CACNG3: variants seen among roughly 807,000 people sequenced by gnomAD.
CACNG3 encodes the protein calcium voltage-gated channel auxiliary subunit gamma 3, also known as voltage-dependent calcium channel gamma-3 subunit.
In CACNG3, 3 loss-of-function variants were observed where a neutral mutation model predicts 28.5. That is an observed-to-expected ratio of 0.11 (90% CI 0.05 to 0.27). The LOEUF is 0.27. Ranked by LOEUF, CACNG3 falls within the 10% of genes least tolerant of loss-of-function variation. The probability of loss-of-function intolerance (pLI) is 1.00; values close to 1 mark genes in which losing one functional copy is unlikely to be tolerated. For missense variants in CACNG3, 236 were observed against 414.4 expected, an observed-to-expected ratio of 0.57 and a Z score of 3.74; for synonymous variants, 174 against 162.2, an observed-to-expected ratio of 1.07 and a Z score of -0.55.
chr16:24,298,211 G>A (rs749066434), intron 1 of CACNG3, among the ~76,000 whole-genome samples: 1 of 152,072 alleles, frequency 6.6e-6, no homozygotes, highest in African/African-American at 2.4e-5. Context: ...CCAAAATGGG[G>A]TGATATTCTA....
intron 1 of CACNG3, among the ~76,000 whole-genome samples, chr16:24,318,774 T>C (rs4787985): frequency 0.65 from 98,323 of 151,920 alleles, 32,074 homozygotes; most frequent in Middle Eastern, 0.72. Context: ...TGCTGTTCCT[T>C]GAAGCATGGA....
At chr16:24,306,595 A>G in intron 1 of CACNG3, among the ~76,000 whole-genome samples, 1 of 152,170 alleles carries the variant, frequency 6.6e-6, no homozygotes, top group East Asian at 1.9e-4. Context: ...CAATTAAAAG[A>G]AGCCTTCATG....
rs1157043782 is a variant in CACNG3, at chr16:24,361,094, C to T, written c.437-258C>T. 3.3e-5 allele frequency among the ~76,000 whole-genome samples: 5 copies of T among 152,168 alleles called. No homozygotes were observed. The highest frequency in any genetic ancestry group is 7.3e-5 in the Non-Finnish European group (5 of 68,046). On this transcript the variant is annotated intron_variant, in intron 3 of 3. Transcript: ENST00000005284. This position sits in a 1 kb window ranked among gnomAD's most constrained non-coding sequence, Gnocchi z 6.8. ...CTTCTAAGGGAAAAATAAGTGCATT[C>T]TGAGTTCTTCCGTACTTGCTGTAGG...
At chr16:24,290,243 C>T (rs1898949341) in intron 1 of CACNG3, among the ~76,000 whole-genome samples, 1 of 151,936 alleles carries the variant, frequency 6.6e-6, no homozygotes, top group Admixed American at 6.6e-5. Flanking sequence ...TCTAGTTATA[C>T]AAAATAAGAC....
intron 2 of CACNG3, 133 bp from the exon 3 acceptor site, chr16:24,354,700 C>T: frequency 1.2e-6 from 1 of 865,258 alleles, no homozygotes; most frequent in Non-Finnish European, 1.8e-6. Flanking sequence ...AGCGCCTGGT[C>T]TCATGCCCGT....
intron 1 of CACNG3, among the ~76,000 whole-genome samples, chr16:24,289,581 C>T (rs1898939332): frequency 6.6e-6 from 1 of 152,186 alleles, no homozygotes; most frequent in Non-Finnish European, 1.5e-5. Flanking sequence ...CACCCACTTG[C>T]AGGGAGCCCT....
chr16:24,299,516 A>G (rs908566481), intron 1 of CACNG3, among the ~76,000 whole-genome samples: 4 of 152,188 alleles, frequency 2.6e-5, no homozygotes, highest in Non-Finnish European at 5.9e-5. Context: ...TGGTATTAGA[A>G]ACCAAGATCT....
At chr16:24,318,049 T>C (rs60966172) in intron 1 of CACNG3, among the ~76,000 whole-genome samples, 13,594 of 152,262 alleles carry the variant, frequency 0.089, 789 homozygotes, top group Admixed American at 0.19. Context: ...TGACAGGCTA[T>C]CCTGCCTCCT....
chr16:24,356,574 T>G (rs1190424854), intron 3 of CACNG3, among the ~76,000 whole-genome samples: 2 of 152,072 alleles, frequency 1.3e-5, no homozygotes, highest in Non-Finnish European at 2.9e-5. Flanking sequence ...TGGTGGTGGG[T>G]GCCTATAGTT....
intron 1 of CACNG3, among the ~76,000 whole-genome samples, chr16:24,287,538 A>T (rs1410238077): frequency 6.6e-6 from 1 of 151,048 alleles, no homozygotes; most frequent in African/African-American, 2.4e-5. Flanking sequence ...AAAAAAAGGA[A>T]GAAAAAGAAA....
At position 24,306,775 on chromosome 16, in the gene CACNG3, C is replaced by T. The variant is rs143735983; in HGVS notation, c.212-39959C>T. Reference sequence around the variant, plus strand: ...ACTTACAGCCCTTCATTCAGCCCACCCACTCCAGCCCATGAAGCCCCTCCT... The same window carrying T: ...ACTTACAGCCCTTCATTCAGCCCACTCACTCCAGCCCATGAAGCCCCTCCT... On this transcript the variant is annotated intron_variant, in intron 1 of 3. Coordinates refer to ENST00000005284, the MANE Select transcript of CACNG3 (RefSeq NM_006539.4). Among the ~76,000 whole-genome samples the T allele has an allele frequency of 1.6e-3, 239 of 152,244 alleles. 2 individuals carry two copies. The highest frequency in any genetic ancestry group is 0.011 in the South Asian group (52 of 4,824).
intron 1 of CACNG3, among the ~76,000 whole-genome samples, chr16:24,302,635 TTTTTG>T (rs60301738): frequency 0.32 from 48,227 of 148,524 alleles, 8,253 homozygotes; most frequent in African/African-American, 0.4. Context: ...TTTTTGTTTG[TTTTTG>T]TTTTGTTTTG....
intron 1 of CACNG3, among the ~76,000 whole-genome samples, chr16:24,286,959 C>A (rs907988611): frequency 6.6e-6 from 1 of 152,160 alleles, no homozygotes; most frequent in Non-Finnish European, 1.5e-5. Flanking sequence ...AGGTCCTTGC[C>A]GCCAGGCTGA....
At chr16:24,351,831 C>CTCTT (rs1429764125) in intron 2 of CACNG3, among the ~76,000 whole-genome samples, 2 of 85,062 alleles carry the variant, frequency 2.4e-5, no homozygotes, top group African/African-American at 9.7e-5. Context: ...CTCTCTCTCT[C>CTCTT]TTTTTTTTTT....
chr16:24,357,661 A>G (rs1416303459), intron 3 of CACNG3, among the ~76,000 whole-genome samples: 1 of 152,150 alleles, frequency 6.6e-6, no homozygotes, highest in Non-Finnish European at 1.5e-5. Context: ...GGTGGCCTCT[A>G]CCTTGCTCTG....
At chr16:24,259,628 C>G (rs189730045) in intron 1 of CACNG3, among the ~76,000 whole-genome samples, 1 of 152,074 alleles carries the variant, frequency 6.6e-6, no homozygotes, top group East Asian at 1.9e-4. Flanking sequence ...AAGAGAATGC[C>G]AAGGAGAACA....
At chr16:24,348,169 G>C (rs1008147287) in intron 2 of CACNG3, among the ~76,000 whole-genome samples, 6 of 152,104 alleles carry the variant, frequency 3.9e-5, no homozygotes, top group African/African-American at 1.4e-4. Context: ...AGGCCAAGGT[G>C]GGAGGATCAC....
At chr16:24,322,982 T>G (rs1899485290) in intron 1 of CACNG3, among the ~76,000 whole-genome samples, 2 of 151,832 alleles carry the variant, frequency 1.3e-5, no homozygotes, top group African/African-American at 2.4e-5. Flanking sequence ...TCCTAGCACT[T>G]TGGGAGGTTG....
At chr16:24,360,192 C>T (rs1378192309) in intron 3 of CACNG3, among the ~76,000 whole-genome samples, 1 of 152,172 alleles carries the variant, frequency 6.6e-6, no homozygotes, top group Non-Finnish European at 1.5e-5. Context: ...TACCAACAAC[C>T]TCCATGAGTC....
Sources: gnomAD v4.1 joint callset for allele counts (sites outside exome capture counted in the v4.1 genomes callset) on GRCh38, gnomAD v4.1.1 for gene constraint, Gnocchi (gnomAD v3.1) non-coding constraint, MANE v1.5 for transcripts, NCBI Gene and HGNC (gene_info 2026-07-23, HGNC 2026-07-21) for gene names.